The following ADIRF variants were observed in gnomAD, a reference collection of about 807,000 sequenced individuals.
ADIRF encodes adipogenesis regulatory factor.
A neutral mutation model predicts 7.8 loss-of-function variants in ADIRF; 9 were observed. That is an observed-to-expected ratio of 1.15 (90% confidence interval 0.70 to 2.01). The LOEUF (loss-of-function observed/expected upper bound fraction) is 2.01, where lower values mean the gene tolerates loss of function less well. ADIRF is among the 30% of genes most tolerant of loss of function. ADIRF has a pLI of 0.00. For synonymous variants in ADIRF, 48 were observed against 39.9 expected (o/e 1.20, Z -0.77); for missense variants, 106 against 98.1 (o/e 1.08, Z -0.34).
rs1473217241 is a variant in ADIRF, at chr10:86,970,572, T to C, written c.221T>C (p.Leu74Pro). 4 of 1,609,348 alleles carry C rather than the reference T, an allele frequency of 2.5e-6. No individual in the cohort carries two copies. The Admixed American group carries it at 5.0e-5, about 20-fold the overall frequency. Residue 74 changes from leucine to proline, a missense_variant, in exon 3 of 3, where the codon CTC becomes CCC. Leu to Pro is a moderately conservative substitution (Grantham distance 98). Coordinates refer to ENST00000372013, the MANE Select transcript of ADIRF (RefSeq NM_006829.3). ...TCTGGGATTGGGAAAAAATTCGGCC[T>C]CCTGAAATGACAGCAGGGAGACTTG... Reference protein sequence around the residue: ...TFSGIGKKFGLLK With the variant: ...TFSGIGKKFGPLK
chr10:86,969,902 C>CGGG, intron 1 of ADIRF: 1 of 250,552 alleles, frequency 4.0e-6, no homozygotes, highest in Non-Finnish European at 7.6e-6. Flanking sequence ...CTGGCCCTGC[C>CGGG]CTGCCTTCCT....
At position 86,970,213 on chromosome 10, in the gene ADIRF, A is replaced by G. The variant is rs1844559569; in HGVS notation, c.75A>G (p.Gly25=). 3 of 1,455,510 alleles carry G rather than the reference A, an allele frequency of 2.1e-6. No individual in the cohort carries two copies. The highest frequency in any genetic ancestry group is 5.0e-5 in the East Asian group (2 of 40,382). The allele number at this position is 1,455,510 out of a possible 1,614,324, so 90.2% of individuals were successfully genotyped here. A position where few individuals can be genotyped will look rare whatever the true frequency, so the allele number is the denominator to read the frequency against. Residue 25 remains glycine, a synonymous_variant, in exon 2 of 3, where the codon GGA becomes GGG. Coordinates refer to ENST00000372013, the MANE Select transcript of ADIRF (RefSeq NM_006829.3). ...GTAQEAVSAA[G]AAAQQVVDQA... ...TCTCTGTTCCAGTGTCAGCGGCCGG[A>G]GCGGCAGCTCAGCAAGTGGTGGACC...
rs887287173 is a variant in ADIRF at position 86,968,701 on chromosome 10, C to G, written c.61+96C>G. The G allele has an allele frequency of 4.9e-6, 7 of 1,429,866 alleles. No individual in the cohort carries two copies. The African/African-American group carries it at 1.0e-4, about 21-fold the overall frequency. 88.6% of individuals were successfully genotyped at this position (1,429,866 alleles called of 1,614,324 possible). A position where few individuals can be genotyped will look rare whatever the true frequency, so the allele number is the denominator to read the frequency against. ...CGGCGCGGTCCGCAAGTTCCTGGAC[C>G]GGCAGCTTGGCTCGGAAGGCTCGGT... On this transcript the variant is annotated intron_variant, in intron 1 of 2. Transcript: ENST00000372013.
intron 1 of ADIRF, chr10:86,969,896 CCCTG>C: frequency 4.0e-6 from 1 of 249,674 alleles, no homozygotes; most frequent in Admixed American, 5.2e-5. Context: ...TGCAGCCTGG[CCCTG>C]CCCTGCCTTC....
At position 86,970,210 on chromosome 10, in the gene ADIRF, C is replaced by T. The variant is rs1432459546; in HGVS notation, c.72C>T (p.Ala24=). The T allele has an allele frequency of 6.2e-6, 9 of 1,455,052 alleles. No individual in the cohort carries two copies. Among genetic ancestry groups the T allele is most frequent in the African/African-American group, 1.4e-5 (1 of 70,204 alleles). 90.1% of individuals were successfully genotyped at this position (1,455,052 alleles called of 1,614,324 possible). The change falls in exon 2 of 3, where the codon GCC becomes GCT. Residue 24 remains alanine, a synonymous_variant. Coordinates refer to ENST00000372013, the MANE Select transcript of ADIRF (RefSeq NM_006829.3). ...ATCTCTCTGTTCCAGTGTCAGCGGC[C>T]GGAGCGGCAGCTCAGCAAGTGGTGG... ...EGTAQEAVSA[A]GAAAQQVVDQ...
chr10:86,969,990 T>TA (rs1844551298), intron 1 of ADIRF: 3 of 385,366 alleles, frequency 7.8e-6, no homozygotes, highest in Non-Finnish European at 1.4e-5. Context: ...AGCTCAGAGT[T>TA]AGAAATAAAC....
chr10:86,968,760 CCA>C (rs1844519108), intron 1 of ADIRF, 155 bp downstream of exon 1: 2 of 784,528 alleles, frequency 2.5e-6, no homozygotes, highest in South Asian at 4.1e-5. Flanking sequence ...GGCAGAACGC[CCA>C]CCCCGGCGAG....
intron 1 of ADIRF, 45 bp downstream of exon 1, chr10:86,968,650 T>G (rs1481459261): frequency 6.3e-7 from 1 of 1,590,514 alleles, no homozygotes; most frequent in Admixed American, 1.8e-5. Context: ...GGCACCTGCG[T>G]GGATGCGCAG....
chr10:86,969,314 C>G (rs1055397071), intron 1 of ADIRF: 1 of 152,290 alleles, frequency 6.6e-6, no homozygotes, highest in African/African-American at 2.4e-5. Flanking sequence ...GACTGAAATG[C>G]TACCAAGGAA....
rs1844575634 is a variant in ADIRF at position 86,970,552 on chromosome 10, G to A, written c.201G>A (p.Gly67=). 1 of 1,613,244 alleles carries A rather than the reference G, an allele frequency of 6.2e-7. No homozygotes were observed. Among genetic ancestry groups the A allele is most frequent in the African/African-American group, 1.3e-5 (1 of 75,042 alleles). ...ACCAGGCCTCTGACACCTTCTCTGG[G>A]ATTGGGAAAAAATTCGGCCTCCTGA... is the stretch of plus-strand genomic sequence containing the variant. ...TANQASDTFS[G]IGKKFGLLK The change falls in exon 3 of 3, where the codon GGG becomes GGA. Residue 67 remains glycine (G), a synonymous_variant. Transcript: ENST00000372013.
Position 86,970,674 on chromosome 10 carries a change from G to T in ADIRF, c.*92G>T, listed in dbSNP as rs1844582333. The T allele has an allele frequency of 9.0e-7, 1 of 1,110,356 alleles. No individual in the cohort carries two copies. The highest frequency in any genetic ancestry group is 2.6e-5 in the East Asian group (1 of 38,540). 68.8% of individuals were successfully genotyped at this position (1,110,356 alleles called of 1,614,324 possible). A position where few individuals can be genotyped will look rare whatever the true frequency, so the allele number is the denominator to read the frequency against. On this transcript the variant is annotated 3_prime_UTR_variant, in exon 3 of 3. Coordinates refer to ENST00000372013, the MANE Select transcript of ADIRF (RefSeq NM_006829.3). The stretch of plus-strand genomic sequence containing the variant: ...GCGCCATCTAGCACAGCCTGGCCCT[G>T]ATCTCCGGGCAGCCACCACCTCCTC...
rs1844559494 is a variant in ADIRF at position 86,970,212 on chromosome 10, G to C, written c.74G>C (p.Gly25Ala). 1 of 1,455,718 alleles carries C rather than the reference G, an allele frequency of 6.9e-7. No individual in the cohort carries two copies. Among genetic ancestry groups the C allele is most frequent in the Non-Finnish European group, 9.1e-7 (1 of 1,101,182 alleles). 90.2% of individuals were successfully genotyped at this position (1,455,718 alleles called of 1,614,324 possible). The change falls in exon 2 of 3, where the codon GGA (glycine) becomes GCA (alanine). Residue 25 changes from glycine (G) to alanine (A), a missense_variant. By Grantham distance (60) the Gly-to-Ala change is moderately conservative. Coordinates refer to ENST00000372013, the MANE Select transcript of ADIRF (RefSeq NM_006829.3). The part of the protein sequence containing the change: ...GTAQEAVSAA[G>A]AAAQQVVDQA... ...CTCTCTGTTCCAGTGTCAGCGGCCG[G>C]AGCGGCAGCTCAGCAAGTGGTGGAC...
Position 86,970,203 on chromosome 10 carries a change from C to T in ADIRF, c.65C>T (p.Ser22Leu), listed in dbSNP as rs143202580. The T allele has an allele frequency of 5.5e-6, 8 of 1,453,332 alleles. No homozygotes were observed. In the African/African-American group the frequency reaches 1.1e-4, roughly 21 times the overall value. 90.0% of individuals were successfully genotyped at this position (1,453,332 alleles called of 1,614,324 possible). The change falls in exon 2 of 3, where the codon TCA becomes TTA. Residue 22 changes from serine to leucine, a missense_variant. Coordinates refer to ENST00000372013, the MANE Select transcript of ADIRF (RefSeq NM_006829.3). ...QVEGTAQEAV[S>L]AAGAAAQQVV... ...AAGCCACATCTCTCTGTTCCAGTGT[C>T]AGCGGCCGGAGCGGCAGCTCAGCAA...
Position 86,970,475 on chromosome 10 carries a change from GC to G in ADIRF, c.126del (p.Met43TrpfsTer33), listed in dbSNP as rs1564741869. ...CTGCCCTCTCTCCCGCCCTTCCCCA[GC>G]CATGGACCAGCTGGCCAAGACCACC... ...VDQATEAGQKAMDQLAKTTQE... is the reference protein window; with the variant it reads ...VDQATEAGQKXMDQLAKTTQE... On this transcript the variant is annotated frameshift_variant and splice_region_variant, in exon 3 of 3. Coordinates refer to ENST00000372013, the MANE Select transcript of ADIRF (RefSeq NM_006829.3). LOFTEE classifies it high-confidence loss of function. 6.2e-7 allele frequency: 1 copy of G among 1,612,336 alleles called. No homozygotes were observed. The highest frequency in any genetic ancestry group is 8.5e-7 in the Non-Finnish European group (1 of 1,179,182).
In ADIRF at chr10:86,970,195, TC is replaced by T. The variant is rs1216433814; in HGVS notation, c.62-3del. ...GGGGCTAAAAGCCACATCTCTCTGT[TC>T]CAGTGTCAGCGGCCGGAGCGGCAGC... On this transcript the variant is annotated splice_region_variant and splice_polypyrimidine_tract_variant and intron_variant, in intron 1 of 2. Transcript: ENST00000372013. The T allele has an allele frequency of 4.1e-6, 6 of 1,451,056 alleles. No individual in the cohort carries two copies. In the African/African-American group the frequency reaches 8.6e-5, roughly 21 times the overall value. The allele number at this position is 1,451,056 out of a possible 1,614,324, so 89.9% of individuals were successfully genotyped here. A position where few individuals can be genotyped will look rare whatever the true frequency, so the allele number is the denominator to read the frequency against.
rs562456694 is a variant in ADIRF at position 86,968,959 on chromosome 10, G to A, written c.61+354G>A. 5.9e-4 allele frequency: 154 copies of A among 262,706 alleles called. 3 individuals carry two copies. The South Asian group carries it at 0.011, about 19-fold the overall frequency. 16.3% of individuals were successfully genotyped at this position (262,706 alleles called of 1,614,324 possible). On this transcript the variant is annotated intron_variant, in intron 1 of 2. Coordinates refer to ENST00000372013, the MANE Select transcript of ADIRF (RefSeq NM_006829.3). ...GCGGCCCGCCACCACTTAAACCCGC[G>A]CGCGCCACCAGAGGCTGCCCCAGAC...
intron 1 of ADIRF, chr10:86,968,889 C>A: frequency 2.3e-6 from 1 of 431,612 alleles, no homozygotes; most frequent in Non-Finnish European, 4.1e-6. Flanking sequence ...GGGCGGCCCG[C>A]CCAGGCCCTC....
At position 86,970,688 on chromosome 10, in the gene ADIRF, C is replaced by A; in HGVS notation, c.*106C>A. On this transcript the variant is annotated 3_prime_UTR_variant, in exon 3 of 3. Transcript: ENST00000372013. The stretch of plus-strand genomic sequence containing the variant: ...AGCCTGGCCCTGATCTCCGGGCAGC[C>A]ACCACCTCCTCGGTCTGCCCCCTCA... The A allele has an allele frequency of 1.1e-6, 1 of 941,052 alleles. No homozygotes were observed. The highest frequency in any genetic ancestry group is 1.7e-6 in the Non-Finnish European group (1 of 591,096). The allele number at this position is 941,052 out of a possible 1,614,324, so 58.3% of individuals were successfully genotyped here.
chr10:86,968,765 C>A, intron 1 of ADIRF, 160 bp downstream of exon 1: 1 of 747,110 alleles, frequency 1.3e-6, no homozygotes, highest in Non-Finnish European at 2.1e-6. Context: ...AACGCCCACC[C>A]CGGCGAGCAG....
Sources: allele counts gnomAD v4.1 joint callset, GRCh38; gene constraint gnomAD v4.1.1; transcripts MANE v1.5; gene names NCBI Gene and HGNC (gene_info 2026-07-23, HGNC 2026-07-21).